The following CDH4 variants were observed in gnomAD, a reference collection of about 807,000 sequenced individuals.
The protein encoded by CDH4 is cadherin-4.
Under a neutral mutation model 86.0 loss-of-function variants are expected in CDH4, and 33 were observed. That is an observed-to-expected ratio of 0.38 (90% CI 0.29 to 0.51). The LOEUF is 0.51. Among genes scored for constraint, CDH4 ranks in the 20% least tolerant of loss-of-function variants. The probability of loss-of-function intolerance (pLI) is 0.86; values close to 1 mark genes in which losing one functional copy is unlikely to be tolerated. For missense variants in CDH4, 1,114 were observed against 1,307.4 expected (o/e 0.85, Z 2.28); for synonymous variants, 555 against 549.4 (o/e 1.01, Z -0.14).
intron 2 of CDH4, among the ~76,000 whole-genome samples, chr20:61,354,402 G>A (rs530599476): frequency 8.1e-4 from 124 of 152,300 alleles, no homozygotes; most frequent in African/African-American, 2.9e-3. Flanking sequence ...AAGGGCTCTC[G>A]AGATGGCCAT....
intron 2 of CDH4, among the ~76,000 whole-genome samples, chr20:61,428,446 A>G (rs1370686573): frequency 6.6e-6 from 1 of 152,214 alleles, no homozygotes; most frequent in Non-Finnish European, 1.5e-5. Flanking sequence ...TTACGGCAAC[A>G]TCATTTGTTA....
At position 61,810,047 on chromosome 20, in the gene CDH4, G is replaced by A. The variant is rs775408564; in HGVS notation, c.577-34621G>A. Among the ~76,000 whole-genome samples the A allele has an allele frequency of 1.4e-4, 21 of 152,218 alleles. No individual in the cohort carries two copies. Among genetic ancestry groups the A allele is most frequent in the Non-Finnish European group, 2.8e-4 (19 of 68,040 alleles). ...TAACAACCACCCATAAAACCTCAGT[G>A]ACATCCAACCACAAGTGTGTTTCTC... On this transcript the variant is annotated intron_variant, in intron 4 of 15. Coordinates refer to ENST00000614565, the MANE Select transcript of CDH4 (RefSeq NM_001794.5). This position sits in a 1 kb window ranked among gnomAD's most constrained non-coding sequence, Gnocchi z 4.3.
In CDH4 at chr20:61,392,142, CAGG is replaced by C. The variant is rs1054097859; in HGVS notation, c.169+137209_169+137211del. Reference sequence around the variant, plus strand: ...AGTGGTGGTCGGGCAGCCCGTGCTGCAGGAGGTGAACCCGGGCATGTGACACGG... The same window carrying C: ...AGTGGTGGTCGGGCAGCCCGTGCTGCAGGTGAACCCGGGCATGTGACACGG... On this transcript the variant is annotated intron_variant, in intron 2 of 15. Transcript: ENST00000614565. The surrounding 1 kb of genome is among the most constrained non-coding windows in gnomAD (Gnocchi z 5.7). Among the ~76,000 whole-genome samples, 42 of 151,906 alleles carry C rather than the reference CAGG, an allele frequency of 2.8e-4. No homozygotes were observed. In the Middle Eastern group the frequency reaches 0.014, roughly 49 times the overall value.
intron 5 of CDH4, among the ~76,000 whole-genome samples, chr20:61,846,274 G>C (rs1055898022): frequency 7.9e-5 from 12 of 152,236 alleles, no homozygotes; most frequent in Non-Finnish European, 1.5e-4. Context: ...CCTGGGCTTC[G>C]TGTGCTGGGC....
intron 4 of CDH4, among the ~76,000 whole-genome samples, chr20:61,827,653 C>T (rs920215928): frequency 1.4e-4 from 21 of 152,232 alleles, no homozygotes; most frequent in Non-Finnish European, 3.1e-4. Flanking sequence ...CACCCAAGCC[C>T]CTAGGCTATG....
Position 61,346,517 on chromosome 20 carries a change from G to C in CDH4, c.169+91580G>C, listed in dbSNP as rs1460144602. 2.0e-5 allele frequency among the ~76,000 whole-genome samples: 3 copies of C among 152,240 alleles called. No individual in the cohort carries two copies. In the East Asian group the frequency reaches 5.8e-4, roughly 29 times the overall value. The stretch of plus-strand genomic sequence containing the variant: ...CCAGCACTTTGGGAGGCTGAGGCAG[G>C]CGGATCACCTGAGGCCAGGAGTTCA... On this transcript the variant is annotated intron_variant, in intron 2 of 15. Coordinates refer to ENST00000614565, the MANE Select transcript of CDH4 (RefSeq NM_001794.5).
chr20:61,741,627 G>A (rs1217176296), intron 2 of CDH4, among the ~76,000 whole-genome samples: 1 of 152,052 alleles, frequency 6.6e-6, no homozygotes, highest in Non-Finnish European at 1.5e-5. Flanking sequence ...GAGTAGCTGG[G>A]ACTACAGGCA....
In CDH4 at chr20:61,681,175, G is replaced by A. The variant is rs375611042; in HGVS notation, c.170-62388G>A. On this transcript the variant is annotated intron_variant, in intron 2 of 15. Transcript: ENST00000614565. The surrounding 1 kb of genome is among the most constrained non-coding windows in gnomAD (Gnocchi z 4.5). ...GCAAGGGTAAAACACCCGCCCTCAC[G>A]TCCTAATGGCTTTTTTTCTCTTTCA... 7.9e-5 allele frequency among the ~76,000 whole-genome samples: 12 copies of A among 152,270 alleles called. No homozygotes were observed. Among genetic ancestry groups the A allele is most frequent in the South Asian group, 2.1e-4 (1 of 4,824 alleles).
chr20:61,931,348 G>A (rs968240747), intron 13 of CDH4, among the ~76,000 whole-genome samples: 25 of 152,304 alleles, frequency 1.6e-4, no homozygotes, highest in African/African-American at 4.1e-4. Context: ...GTCAGGAAGC[G>A]TCCCCCGGCT....
chr20:61,895,802 C>T (rs2122873512), intron 8 of CDH4, among the ~76,000 whole-genome samples: 1 of 152,336 alleles, frequency 6.6e-6, no homozygotes, highest in African/African-American at 2.4e-5. Context: ...AACCAGGACC[C>T]TTTGTGGTGA....
intron 4 of CDH4, among the ~76,000 whole-genome samples, chr20:61,831,782 A>AG (rs1179129434): frequency 2.0e-5 from 3 of 152,224 alleles, no homozygotes; most frequent in Non-Finnish European, 2.9e-5. Context: ...CCCAGCGTTA[A>AG]GGGGAGAAGG....
chr20:61,291,682 G>A (rs2084321729), intron 2 of CDH4, among the ~76,000 whole-genome samples: 1 of 17,832 alleles, frequency 5.6e-5, no homozygotes, highest in Non-Finnish European at 2.6e-4. Flanking sequence ...GTTACCGGGG[G>A]TTTCCAGTCT....
intron 2 of CDH4, among the ~76,000 whole-genome samples, chr20:61,472,853 A>G (rs1190872658): frequency 2.6e-5 from 4 of 152,212 alleles, no homozygotes; most frequent in Admixed American, 2.6e-4. Flanking sequence ...AATATGAATC[A>G]TCTATTCTCA....
chr20:61,808,124 A>G (rs1249629575), intron 4 of CDH4, among the ~76,000 whole-genome samples: 3 of 151,868 alleles, frequency 2.0e-5, no homozygotes, highest in Non-Finnish European at 4.4e-5. Context: ...TTAGCTGAGC[A>G]CTGGGCCCCC....
intron 2 of CDH4, among the ~76,000 whole-genome samples, chr20:61,268,759 G>T (rs551003194): frequency 6.6e-6 from 1 of 152,230 alleles, no homozygotes; most frequent in East Asian, 1.9e-4. Context: ...TTTGCCTTCT[G>T]CCATGAGTGG....
chr20:61,507,552 T>C (rs2145608492), intron 2 of CDH4, among the ~76,000 whole-genome samples: 1 of 152,220 alleles, frequency 6.6e-6, no homozygotes, highest in South Asian at 2.1e-4. Context: ...GGCACCAGGT[T>C]TCACTTTAAG....
chr20:61,505,205 G>A (rs964207596), intron 2 of CDH4, among the ~76,000 whole-genome samples: 13 of 152,180 alleles, frequency 8.5e-5, no homozygotes, highest in African/African-American at 3.1e-4. Flanking sequence ...CAAAGTGATG[G>A]CTAAAAAGAG....
chr20:61,612,526 C>T (rs1196104981), intron 2 of CDH4, among the ~76,000 whole-genome samples: 1 of 152,090 alleles, frequency 6.6e-6, no homozygotes, highest in Non-Finnish European at 1.5e-5. Context: ...TGGACTCACA[C>T]TTACCCAACC....
Position 61,914,579 on chromosome 20 carries a change from G to C in CDH4, c.1374+3972G>C, listed in dbSNP as rs1011879460. ...GCAGAATAACCCTGGAATCGACTCAGATCTTGCAGGCCCCATCCCTCAGGC... is the reference window on the plus strand; with the variant it reads ...GCAGAATAACCCTGGAATCGACTCACATCTTGCAGGCCCCATCCCTCAGGC... On this transcript the variant is annotated intron_variant, in intron 9 of 15. Coordinates refer to ENST00000614565, the MANE Select transcript of CDH4 (RefSeq NM_001794.5). 2.4e-5 allele frequency among the ~76,000 whole-genome samples: 3 copies of C among 123,320 alleles called. No homozygotes were observed. In the East Asian group the frequency reaches 6.6e-4, roughly 27 times the overall value. The allele number at this position is 123,320 out of a possible 152,430, so 80.9% of individuals were successfully genotyped here.
Sources: gnomAD v4.1 joint callset for allele counts (sites outside exome capture counted in the v4.1 genomes callset) on GRCh38, gnomAD v4.1.1 for gene constraint, Gnocchi (gnomAD v3.1) non-coding constraint, MANE v1.5 for transcripts, NCBI Gene and HGNC (gene_info 2026-07-23, HGNC 2026-07-21) for gene names.